NRXN1: variants seen among roughly 807,000 people sequenced by gnomAD.
NRXN1 encodes the protein neurexin-1.
NRXN1 carries 39 observed loss-of-function variants against 150.9 expected under a neutral mutation model. The ratio of observed to expected loss-of-function variants is 0.26; its 90% CI spans 0.20 to 0.34. The LOEUF (loss-of-function observed/expected upper bound fraction) is 0.34, where lower values mean the gene tolerates loss of function less well. NRXN1 is among the 10% of genes least tolerant of loss of function. The pLI is 1.00. For missense variants in NRXN1, 1,815 were observed against 1,949.9 expected (o/e 0.93, Z 1.30); for synonymous variants, 924 against 757.0 (o/e 1.22, Z -3.62).
chr2:50,044,126 CA>C (rs1691443289), intron 21 of NRXN1, among the ~76,000 whole-genome samples: 1 of 152,184 alleles, frequency 6.6e-6, no homozygotes, highest in Admixed American at 6.5e-5. Flanking sequence ...TGTGGCAAAA[CA>C]AACATGATTT....
Position 50,832,773 on chromosome 2 carries a change from T to C in NRXN1, c.832+89096A>G, listed in dbSNP as rs532319525. On this transcript the variant is annotated intron_variant, in intron 5 of 22. Coordinates refer to ENST00000401669, the MANE Select transcript of NRXN1 (RefSeq NM_001330078.2). ...ATTTCATATATTAAATGTTTCTGTT[T>C]TCCTCAGGGTATTAAAAATACTAAA... Among the ~76,000 whole-genome samples, 12 of 152,316 alleles carry C rather than the reference T, an allele frequency of 7.9e-5. 1 individual carries two copies. The South Asian group carries it at 1.9e-3, about 24-fold the overall frequency.
intron 17 of NRXN1, among the ~76,000 whole-genome samples, chr2:50,268,759 C>T (rs1007644670): frequency 6.6e-6 from 1 of 152,178 alleles, no homozygotes; most frequent in Non-Finnish European, 1.5e-5. Flanking sequence ...CAATTAATCT[C>T]CAGAGCTCCT....
chr2:49,968,117 C>G (rs1311675117), intron 21 of NRXN1, among the ~76,000 whole-genome samples: 2 of 149,342 alleles, frequency 1.3e-5, no homozygotes, highest in African/African-American at 2.5e-5. Context: ...CACTCACACT[C>G]ACCTACCCAC....
In NRXN1 at chr2:50,986,172, G is replaced by T. The variant is rs1474327035; in HGVS notation, c.772+41330C>A. 3.3e-5 allele frequency among the ~76,000 whole-genome samples: 5 copies of T among 151,774 alleles called. No homozygotes were observed. The East Asian group carries it at 9.7e-4, about 29-fold the overall frequency. ...AACATAATTCTCTCTCCATGAGACTGGGGCAAGCAAAACATAGTAATATTA... is the reference window on the plus strand; with the variant it reads ...AACATAATTCTCTCTCCATGAGACTTGGGCAAGCAAAACATAGTAATATTA... On this transcript the variant is annotated intron_variant, in intron 2 of 22. Transcript: ENST00000401669.
chr2:50,203,113 A>G (rs2062304917), intron 18 of NRXN1, among the ~76,000 whole-genome samples: 1 of 152,176 alleles, frequency 6.6e-6, no homozygotes, highest in African/African-American at 2.4e-5. Flanking sequence ...CTGCAGGTGA[A>G]GAGCTAGCAA....
At chr2:50,994,497 G>A (rs1027037224) in intron 2 of NRXN1, among the ~76,000 whole-genome samples, 1 of 151,948 alleles carries the variant, frequency 6.6e-6, no homozygotes, top group Non-Finnish European at 1.5e-5. Context: ...TAGCCAGAGA[G>A]GCAGAACAGA....
At chr2:50,497,864 C>A (rs2091730334) in intron 13 of NRXN1, 150 bp from the exon 14 acceptor site, 1 of 652,672 alleles carries the variant, frequency 1.5e-6, no homozygotes, top group East Asian at 2.8e-5. Context: ...TAAATGATGC[C>A]AAAAGGTAAG....
rs1469761998 is a variant in NRXN1 at position 50,963,590 on chromosome 2, T to A, written c.773-37635A>T. Reference sequence around the variant, plus strand: ...TTTACACACAAGTGACACAGAGAATTCTTCAGCAGTCATTATTCATGGAGA... The same window carrying A: ...TTTACACACAAGTGACACAGAGAATACTTCAGCAGTCATTATTCATGGAGA... On this transcript the variant is annotated intron_variant, in intron 2 of 22. Coordinates refer to ENST00000401669, the MANE Select transcript of NRXN1 (RefSeq NM_001330078.2). Among the ~76,000 whole-genome samples, 8 of 151,702 alleles carry A rather than the reference T, an allele frequency of 5.3e-5. No homozygotes were observed. In the South Asian group the frequency reaches 1.7e-3, roughly 31 times the overall value.
chr2:50,054,775 G>A (rs1693343684), intron 20 of NRXN1, among the ~76,000 whole-genome samples, 180 bp downstream of exon 20: 1 of 152,058 alleles, frequency 6.6e-6, no homozygotes, highest in South Asian at 2.1e-4. Flanking sequence ...GTCTAAAAAT[G>A]TATAGAAATT....
intron 17 of NRXN1, among the ~76,000 whole-genome samples, chr2:50,450,854 T>G (rs1482062715): frequency 6.6e-6 from 1 of 152,164 alleles, no homozygotes; most frequent in Non-Finnish European, 1.5e-5. Flanking sequence ...AGTGTAGAAA[T>G]TATAGGCAGG....
chr2:49,952,846 A>C (rs1252890470), intron 21 of NRXN1, among the ~76,000 whole-genome samples: 1 of 152,136 alleles, frequency 6.6e-6, no homozygotes, highest in Non-Finnish European at 1.5e-5. Context: ...TCACACAACT[A>C]TCATTAGAGT....
intron 21 of NRXN1, among the ~76,000 whole-genome samples, chr2:50,037,818 C>T (rs761007116): frequency 2.0e-5 from 3 of 152,164 alleles, no homozygotes; most frequent in Non-Finnish European, 4.4e-5. Context: ...CAAGTAGAAA[C>T]TGCTTCAGCA....
chr2:50,898,983 A>C (rs1395474447), intron 5 of NRXN1, among the ~76,000 whole-genome samples: 5 of 152,128 alleles, frequency 3.3e-5, no homozygotes. Context: ...ACTCAAAGAA[A>C]TACCTGTCAA....
rs139466602 is a variant in NRXN1, at chr2:50,511,636, C to T, written c.2375-5019G>A. ...TCAGTGTAAATTGAGTGTTCTTCCA[C>T]AACCTACCCATCCATAAATTCAAGG... On this transcript the variant is annotated intron_variant, in intron 12 of 22. Coordinates refer to ENST00000401669, the MANE Select transcript of NRXN1 (RefSeq NM_001330078.2). Among the ~76,000 whole-genome samples, 1,041 of 152,272 alleles carry T rather than the reference C, an allele frequency of 6.8e-3. 18 individuals carry two copies. The highest frequency in any genetic ancestry group is 0.024 in the African/African-American group (1,002 of 41,556).
intron 8 of NRXN1, among the ~76,000 whole-genome samples, chr2:50,580,337 T>C (rs1672061787): frequency 6.6e-6 from 1 of 152,142 alleles, no homozygotes. Context: ...TAAACAAAGC[T>C]AGCTGAAACC....
At chr2:50,527,354 G>A (rs1456240486) in intron 12 of NRXN1, among the ~76,000 whole-genome samples, 1 of 152,148 alleles carries the variant, frequency 6.6e-6, no homozygotes, top group Non-Finnish European at 1.5e-5. Context: ...AGGAATGCAT[G>A]GAGGAGATAG....
At chr2:50,238,329 T>G (rs2065667304) in intron 17 of NRXN1, among the ~76,000 whole-genome samples, 1 of 152,038 alleles carries the variant, frequency 6.6e-6, no homozygotes, top group Non-Finnish European at 1.5e-5. Context: ...CTTCTTGTTC[T>G]CATGCCTTCA....
intron 17 of NRXN1, among the ~76,000 whole-genome samples, chr2:50,394,285 CCTACTT>C (rs1258276965): frequency 6.6e-6 from 1 of 152,036 alleles, no homozygotes; most frequent in African/African-American, 2.4e-5. Context: ...TATCCATCTA[CCTACTT>C]GGATGTCCAC....
At chr2:50,788,474 A>G (rs1441244823) in intron 5 of NRXN1, among the ~76,000 whole-genome samples, 1 of 152,034 alleles carries the variant, frequency 6.6e-6, no homozygotes, top group Non-Finnish European at 1.5e-5. Flanking sequence ...ACTTGTTTCC[A>G]TGAGTCTGAC....
Sources: allele counts gnomAD v4.1 joint callset (sites outside exome capture counted in the v4.1 genomes callset), GRCh38; gene constraint gnomAD v4.1.1; transcripts MANE v1.5; gene names NCBI Gene and HGNC (gene_info 2026-07-23, HGNC 2026-07-21).